Variants in ANKRD30A observed in about 807,000 individuals in gnomAD.
ANKRD30A encodes ankyrin repeat domain 30A, also known as ankyrin repeat domain-containing protein 30A.
Under a neutral mutation model 166.3 loss-of-function variants are expected in ANKRD30A, and 170 were observed. The ratio of observed to expected loss-of-function variants is 1.02; its 90% confidence interval spans 0.90 to 1.16. The LOEUF (loss-of-function observed/expected upper bound fraction) is 1.16. Among genes scored for constraint, ANKRD30A ranks in the 50% most tolerant of loss-of-function variants. The probability of loss-of-function intolerance (pLI) is 0.00; values close to 1 mark genes in which losing one functional copy is unlikely to be tolerated. For synonymous variants in ANKRD30A, 564 were observed against 508.9 expected, an observed-to-expected ratio of 1.11 and a Z score of -1.46; for missense variants, 1,630 against 1,518.0, an observed-to-expected ratio of 1.07 and a Z score of -1.23.
At chr10:37,218,615 A>T (rs1300140959) in intron 33 of ANKRD30A, among the ~76,000 whole-genome samples, 1 of 151,108 alleles carries the variant, frequency 6.6e-6, no homozygotes, top group East Asian at 1.9e-4. Flanking sequence ...GATTCTTAGT[A>T]TATGTTAGAC....
rs765960368 is a variant in ANKRD30A, at chr10:37,219,319, G to C, written c.3607G>C (p.Ala1203Pro). 7 of 1,610,334 alleles carry C rather than the reference G, an allele frequency of 4.3e-6. No homozygotes were observed. In the South Asian group the frequency reaches 7.7e-5, roughly 18 times the overall value. Residue 1203 changes from alanine to proline, a missense_variant, in exon 34 of 36, where the codon GCT becomes CCT. Physicochemically the swap from Ala to Pro is conservative, Grantham distance 27 (BLOSUM62 -1). Around this residue, in one of 4 missense-constraint regions of ANKRD30A, gnomAD observed 712 missense variants for 629.3 expected, o/e 1.13. Transcript: ENST00000361713. Reference protein sequence around the residue: ...AEIESHHPRLASAVQDHDQIV... With the variant: ...AEIESHHPRLPSAVQDHDQIV... ...AATTGAATCACACCATCCTAGACTG[G>C]CTTCTGCTGTACAAGACCATGATCA...
chr10:37,247,720 A>G, the ANKRD30A span, among the ~76,000 whole-genome samples: 1 of 151,170 alleles, frequency 6.6e-6, no homozygotes, highest in Non-Finnish European at 1.5e-5. Context: ...AAATACAAAA[A>G]AAAAAAAAAA....
intron 34 of ANKRD30A, among the ~76,000 whole-genome samples, chr10:37,230,729 C>T (rs1160002096): frequency 6.6e-6 from 1 of 151,866 alleles, no homozygotes; most frequent in Non-Finnish European, 1.5e-5. Flanking sequence ...GAGAAAACAC[C>T]CTGTATAGTT....
At chr10:37,156,565 T>C (rs1389140461) in intron 13 of ANKRD30A, among the ~76,000 whole-genome samples, 1 of 152,174 alleles carries the variant, frequency 6.6e-6, no homozygotes, top group Non-Finnish European at 1.5e-5. Flanking sequence ...GTGTTTTGCT[T>C]TTTTATCTTG....
chr10:37,162,866 A>G lies in ANKRD30A; in HGVS notation c.2002+18A>G. On this transcript the variant is annotated intron_variant, in intron 17 of 35. Transcript: ENST00000361713. ...GAGAGCAGGTAAATTTTTCAATGTA[A>G]CTATGGAAAGACCAATATTTCAATA... 4 of 1,609,784 alleles carry G rather than the reference A, an allele frequency of 2.5e-6. No homozygotes were observed. The South Asian group carries it at 3.3e-5, about 13-fold the overall frequency.
intron 6 of ANKRD30A, among the ~76,000 whole-genome samples, chr10:37,139,993 A>G (rs1271216481): frequency 6.6e-6 from 1 of 151,878 alleles, no homozygotes; most frequent in Non-Finnish European, 1.5e-5. Flanking sequence ...TGAAAGCACA[A>G]ACAGTCAATT....
rs1165179952 is a variant in ANKRD30A at position 37,219,190 on chromosome 10, AG to A, written c.3481del (p.Ala1161HisfsTer11). 1 of 1,610,724 alleles carries A rather than the reference AG, an allele frequency of 6.2e-7. No individual in the cohort carries two copies. Among genetic ancestry groups the A allele is most frequent in the African/African-American group, 1.3e-5 (1 of 74,788 alleles). ...ACTGAAAGAGGAATCATTAACTAAA[AG>A]GGCATCTCAATATAGTGGGCAGCTT... ...LKLKEESLTK[R>X]ASQYSGQLKV... On this transcript the variant is annotated frameshift_variant, in exon 34 of 36. Coordinates refer to ENST00000361713, the MANE Select transcript of ANKRD30A (RefSeq NM_052997.3). LOFTEE classifies it high-confidence loss of function.
intron 13 of ANKRD30A, among the ~76,000 whole-genome samples, chr10:37,154,950 A>G (rs905161088): frequency 2.6e-5 from 4 of 152,206 alleles, no homozygotes; most frequent in African/African-American, 4.8e-5. Context: ...TGTTGTTGAT[A>G]TTCACAATTT....
intron 12 of ANKRD30A, among the ~76,000 whole-genome samples, chr10:37,152,494 A>T (rs2132561221): frequency 6.6e-6 from 1 of 152,222 alleles, no homozygotes; most frequent in Non-Finnish European, 1.5e-5. Flanking sequence ...TTCTAATTGG[A>T]TGCATAGAGA....
downstream of ANKRD30A, among the ~76,000 whole-genome samples, chr10:37,233,163 G>T (rs1843530236): frequency 1.3e-5 from 2 of 152,026 alleles, no homozygotes; most frequent in South Asian, 4.1e-4. Flanking sequence ...TTCTCAGACA[G>T]CATTGCTGCC....
intron 8 of ANKRD30A, among the ~76,000 whole-genome samples, chr10:37,145,860 C>T (rs1174418752): frequency 6.6e-6 from 1 of 152,266 alleles, no homozygotes; most frequent in Admixed American, 6.5e-5. Context: ...TCTGAAGGAA[C>T]ATTTCAGGAG....
intron 34 of ANKRD30A, among the ~76,000 whole-genome samples, chr10:37,229,460 TA>T (rs1294956456): frequency 6.6e-6 from 1 of 151,994 alleles, no homozygotes; most frequent in East Asian, 1.9e-4. Flanking sequence ...AGATAACTAA[TA>T]TATTCAACAC....
intron 6 of ANKRD30A, 146 bp downstream of exon 6, chr10:37,136,817 G>A (rs1189672550): frequency 2.3e-5 from 5 of 213,810 alleles, no homozygotes; most frequent in Non-Finnish European, 3.7e-5. Flanking sequence ...GTGTGTATGT[G>A]TGTGTGTGTG....
At chr10:37,222,251 G>A (rs756667795) in intron 34 of ANKRD30A, among the ~76,000 whole-genome samples, 3 of 151,026 alleles carry the variant, frequency 2.0e-5, no homozygotes, top group Admixed American at 6.6e-5. Flanking sequence ...CATCACCACC[G>A]CCCACCTCCA....
chr10:37,219,332 A>T lies in ANKRD30A; in HGVS notation c.3620A>T (p.Gln1207Leu). ...SHHPRLASAVQDHDQIVTSRK... is the reference protein window; with the variant it reads ...SHHPRLASAVLDHDQIVTSRK... ...CATCCTAGACTGGCTTCTGCTGTAC[A>T]AGACCATGATCAAATTGTGACATCA... The change falls in exon 34 of 36, where the codon CAA becomes CTA. Residue 1207 changes from glutamine (Q) to leucine (L), a missense_variant. By Grantham distance (113) the Gln-to-Leu change is moderately radical. This residue lies in a region of ANKRD30A where 712 missense variants were observed against 629.3 expected (regional missense o/e 1.13). Coordinates refer to ENST00000361713, the MANE Select transcript of ANKRD30A (RefSeq NM_052997.3). 1 of 1,610,480 alleles carries T rather than the reference A, an allele frequency of 6.2e-7. No homozygotes were observed. Among genetic ancestry groups the T allele is most frequent in the South Asian group, 1.1e-5 (1 of 90,998 alleles).
downstream of ANKRD30A, among the ~76,000 whole-genome samples, chr10:37,236,296 T>A (rs1469648727): frequency 6.6e-6 from 1 of 152,192 alleles, no homozygotes; most frequent in Non-Finnish European, 1.5e-5. Context: ...TGCTGACTCA[T>A]GACAACTAAT....
At chr10:37,197,686 TCA>T (rs1442210077) in intron 29 of ANKRD30A, among the ~76,000 whole-genome samples, 10 of 152,170 alleles carry the variant, frequency 6.6e-5, no homozygotes, top group Non-Finnish European at 1.3e-4. Flanking sequence ...AGCCTTAATC[TCA>T]GATGTTTCTA....
chr10:37,205,829 T>C (rs1324183024), intron 31 of ANKRD30A, among the ~76,000 whole-genome samples: 1 of 152,220 alleles, frequency 6.6e-6, no homozygotes, highest in Admixed American at 6.5e-5. Flanking sequence ...CTTGAGGTCA[T>C]GCAATTTTAA....
In ANKRD30A at chr10:37,166,692, G is replaced by T. The variant is rs777485145; in HGVS notation, c.2152G>T (p.Glu718Ter). ...AATAGATAAAATAAATGGAAAATTA[G>T]AAGGTAAGAACCGTTTTTTATTTAA... ...KEIDKINGKLEGSPVKDGLLK... is the reference protein window; with the variant it reads ...KEIDKINGKL The change falls in exon 19 of 36, where the codon GAA becomes TAA. Residue 718 changes from glutamate (E) to a stop codon, truncating the protein, a stop_gained. Transcript: ENST00000361713. LOFTEE classifies it high-confidence loss of function. The T allele has an allele frequency of 1.3e-6, 2 of 1,597,832 alleles. No individual in the cohort carries two copies. The highest frequency in any genetic ancestry group is 8.5e-7 in the Non-Finnish European group (1 of 1,175,052).
Sources: gnomAD v4.1 joint callset for allele counts (sites outside exome capture counted in the v4.1 genomes callset) on GRCh38, gnomAD v4.1.1 for gene constraint, gnomAD v4.1.1 regional missense constraint, MANE v1.5 for transcripts, NCBI Gene and HGNC (gene_info 2026-07-23, HGNC 2026-07-21) for gene names.